The following CAMTA1 variants were observed in gnomAD, a reference collection of about 807,000 sequenced individuals.
The protein encoded by CAMTA1 is calmodulin-binding transcription activator 1.
CAMTA1 carries 27 observed loss-of-function variants against 170.9 expected under a neutral mutation model. That is an observed-to-expected ratio of 0.16 (90% CI 0.12 to 0.22). CAMTA1 has a LOEUF of 0.22. CAMTA1 is among the 10% of genes least tolerant of loss of function. The pLI is 1.00. For synonymous variants in CAMTA1, 833 were observed against 891.5 expected (o/e 0.93, Z 1.17); for missense variants, 1,619 against 2,217.2 (o/e 0.73, Z 5.42).
chr1:7,310,710 CTT>C (rs1327330928), intron 5 of CAMTA1, among the ~76,000 whole-genome samples: 1 of 57,402 alleles, frequency 1.7e-5, no homozygotes, highest in Non-Finnish European at 2.9e-5. Context: ...CTCTTTCTTT[CTT>C]TCTTTCTTTC....
intron 1 of CAMTA1, among the ~76,000 whole-genome samples, chr1:6,811,053 C>G (rs1645108764): frequency 6.6e-6 from 1 of 152,172 alleles, no homozygotes; most frequent in Admixed American, 6.5e-5. Flanking sequence ...CCTTTGTCTT[C>G]ATGTGCCTTC....
At chr1:7,692,604 CA>C (rs1326962597) in intron 11 of CAMTA1, among the ~76,000 whole-genome samples, 1 of 152,190 alleles carries the variant, frequency 6.6e-6, no homozygotes, top group Non-Finnish European at 1.5e-5. Flanking sequence ...CCTGCTGCTT[CA>C]AAACACACTG....
rs775005539 is a variant in CAMTA1 at position 7,664,887 on chromosome 1, C to T, written c.2340C>T (p.Phe780=). 4 of 1,613,222 alleles carry T rather than the reference C, an allele frequency of 2.5e-6. No homozygotes were observed. Among genetic ancestry groups the T allele is most frequent in the African/African-American group, 2.7e-5 (2 of 74,952 alleles). ...SNQFSDLIND[F]ISVEGGSSTI... ...AGTTCTCCGACCTGATCAACGACTT[C>T]ATCTCCGTGGAGGGGGGCAGCAGCA... The change falls in exon 9 of 23, where the codon TTC becomes TTT. Residue 780 remains phenylalanine, a synonymous_variant. Coordinates refer to ENST00000303635, the MANE Select transcript of CAMTA1 (RefSeq NM_015215.4).
chr1:6,994,156 A>C lies in CAMTA1; in HGVS notation c.235-97148A>C, dbSNP rs76629695. ...CTTGTTATATGTATTATATCTATAT[A>C]TGCTATAAGCCCCATAGTGTATTTT... On this transcript the variant is annotated intron_variant, in intron 3 of 22. Coordinates refer to ENST00000303635, the MANE Select transcript of CAMTA1 (RefSeq NM_015215.4). Among the ~76,000 whole-genome samples the C allele has an allele frequency of 5.0e-3, 759 of 152,314 alleles. 12 individuals are homozygous for C. Among genetic ancestry groups the C allele is most frequent in the African/African-American group, 0.017 (711 of 41,572 alleles).
intron 5 of CAMTA1, among the ~76,000 whole-genome samples, chr1:7,415,727 T>C (rs975498231): frequency 1.3e-5 from 2 of 152,244 alleles, no homozygotes; most frequent in African/African-American, 4.8e-5. Context: ...TGCCAGTCTG[T>C]GTCTTTTAAT....
intron 3 of CAMTA1, among the ~76,000 whole-genome samples, chr1:7,000,811 T>A (rs1174653187): frequency 6.6e-6 from 1 of 152,160 alleles, no homozygotes; most frequent in East Asian, 1.9e-4. Context: ...TTTAAAGTGG[T>A]CAGATTTGTT....
At chr1:7,412,104 CT>C (rs1369159041) in intron 5 of CAMTA1, among the ~76,000 whole-genome samples, 1 of 152,106 alleles carries the variant, frequency 6.6e-6, no homozygotes, top group Non-Finnish European at 1.5e-5. Flanking sequence ...TTTTTTATGG[CT>C]GCATAGTATT....
At chr1:7,423,886 G>A (rs34276718) in intron 5 of CAMTA1, among the ~76,000 whole-genome samples, 1 of 152,178 alleles carries the variant, frequency 6.6e-6, no homozygotes, top group African/African-American at 2.4e-5. Context: ...AGAGGACAGA[G>A]AGGGGAGGGA....
intron 6 of CAMTA1, among the ~76,000 whole-genome samples, chr1:7,602,029 GGAGGGA>G (rs1365621941): frequency 2.1e-5 from 3 of 140,538 alleles, no homozygotes; most frequent in East Asian, 2.0e-4. Context: ...AGGAGGGAGA[GGAGGGA>G]GAGGGAGAGG....
rs1320918111 is a variant in CAMTA1, at chr1:6,887,072, C to G, written c.234+61862C>G. On this transcript the variant is annotated intron_variant, in intron 3 of 22. Coordinates refer to ENST00000303635, the MANE Select transcript of CAMTA1 (RefSeq NM_015215.4). The surrounding 1 kb of genome is among the most constrained non-coding windows in gnomAD (Gnocchi z 4.1). Reference sequence around the variant, plus strand: ...AGTCCTGTGCTTAAGCAGAGAGTCTCTAGCAGGGAGCCTCTGCAAGCATTG... The same window carrying G: ...AGTCCTGTGCTTAAGCAGAGAGTCTGTAGCAGGGAGCCTCTGCAAGCATTG... Among the ~76,000 whole-genome samples, 1 of 152,170 alleles carries G rather than the reference C, an allele frequency of 6.6e-6. No individual in the cohort carries two copies. The highest frequency in any genetic ancestry group is 2.4e-5 in the African/African-American group (1 of 41,454).
intron 3 of CAMTA1, chr1:6,871,989 T>C: frequency 8.3e-7 from 1 of 1,206,982 alleles, no homozygotes; most frequent in Non-Finnish European, 1.0e-6. Context: ...CTTCATTTTC[T>C]GTATTAAAAT....
At chr1:7,316,095 T>C (rs577183451) in intron 5 of CAMTA1, among the ~76,000 whole-genome samples, 6 of 152,272 alleles carry the variant, frequency 3.9e-5, no homozygotes, top group Admixed American at 3.9e-4. Context: ...TCAAATCTCA[T>C]GAGAACTCAC....
At chr1:6,807,517 G>A (rs1172298977) in intron 1 of CAMTA1, among the ~76,000 whole-genome samples, 3 of 152,006 alleles carry the variant, frequency 2.0e-5, no homozygotes, top group African/African-American at 4.8e-5. Context: ...TCAGGAGATC[G>A]AGACCATCCT....
chr1:7,404,243 C>A (rs963892621), intron 5 of CAMTA1, among the ~76,000 whole-genome samples: 4 of 152,200 alleles, frequency 2.6e-5, no homozygotes, highest in African/African-American at 7.2e-5. Context: ...CGTTTCTGAA[C>A]CTCTTTCTGG....
chr1:7,437,814 G>C (rs916500683), intron 5 of CAMTA1, among the ~76,000 whole-genome samples: 1 of 152,230 alleles, frequency 6.6e-6, no homozygotes, highest in Non-Finnish European at 1.5e-5. Context: ...CTCATTCAGC[G>C]AGTACGACCG....
chr1:7,568,548 C>T (rs2095077093), intron 6 of CAMTA1, among the ~76,000 whole-genome samples: 1 of 151,068 alleles, frequency 6.6e-6, no homozygotes, highest in East Asian at 2.0e-4. Context: ...CCATCATCAT[C>T]ACCACATCAC....
intron 3 of CAMTA1, among the ~76,000 whole-genome samples, chr1:6,869,533 G>A (rs896626112): frequency 2.6e-5 from 4 of 152,148 alleles, no homozygotes; most frequent in Admixed American, 6.5e-5. Context: ...CCCTTGGATG[G>A]CTTCTAGCCT....
At chr1:7,523,606 C>T (rs1046852290) in intron 6 of CAMTA1, among the ~76,000 whole-genome samples, 2 of 152,114 alleles carry the variant, frequency 1.3e-5, no homozygotes, top group Admixed American at 6.6e-5. Flanking sequence ...TGGCCGGGTG[C>T]GGTGGCTCAC....
chr1:7,376,942 G>A lies in CAMTA1; in HGVS notation c.439-90888G>A, dbSNP rs531293018. 2.2e-4 allele frequency among the ~76,000 whole-genome samples: 33 copies of A among 152,282 alleles called. No homozygotes were observed. In the South Asian group the frequency reaches 6.0e-3, roughly 28 times the overall value. On this transcript the variant is annotated intron_variant, in intron 5 of 22. Coordinates refer to ENST00000303635, the MANE Select transcript of CAMTA1 (RefSeq NM_015215.4). ...GCTCTAATGGATGAGATCACAGACC[G>A]GATCACAGATTCGGATCTGTCTGGA...
Sources: gnomAD v4.1 joint callset for allele counts (sites outside exome capture counted in the v4.1 genomes callset) on GRCh38, gnomAD v4.1.1 for gene constraint, Gnocchi (gnomAD v3.1) non-coding constraint, MANE v1.5 for transcripts, NCBI Gene and HGNC (gene_info 2026-07-23, HGNC 2026-07-21) for gene names.